The following GALNTL5 variants were observed in gnomAD, a reference collection of about 807,000 sequenced individuals.
The protein encoded by GALNTL5 is inactive polypeptide N-acetylgalactosaminyltransferase-like protein 5.
GALNTL5 carries 44 observed loss-of-function variants against 51.0 expected under a neutral mutation model. That is an observed-to-expected ratio of 0.86 (90% CI 0.68 to 1.11). GALNTL5 has a LOEUF of 1.11. Among genes scored for constraint, GALNTL5 ranks in the 50% least tolerant of loss-of-function variants. The pLI, the probability that GALNTL5 is intolerant of heterozygous loss-of-function variation, is 0.00. For synonymous variants in GALNTL5, 192 were observed against 182.8 expected (o/e 1.05, Z -0.41); for missense variants, 528 against 531.8 (o/e 0.99, Z 0.07).
chr7:151,972,718 G>A (rs2081160287), intron 3 of GALNTL5, among the ~76,000 whole-genome samples: 2 of 152,206 alleles, frequency 1.3e-5, no homozygotes, highest in Admixed American at 1.3e-4. Flanking sequence ...CTTCCATGTG[G>A]TATTGGGCCT....
intron 7 of GALNTL5, among the ~76,000 whole-genome samples, chr7:152,013,015 T>C (rs1482632495): frequency 6.6e-6 from 1 of 152,164 alleles, no homozygotes; most frequent in African/African-American, 2.4e-5. Flanking sequence ...TACACAGCCA[T>C]TTAAAAATAA....
intron 5 of GALNTL5, among the ~76,000 whole-genome samples, chr7:151,988,585 T>C (rs2081390069): frequency 6.6e-6 from 1 of 152,190 alleles, no homozygotes; most frequent in African/African-American, 2.4e-5. Flanking sequence ...ATGTTCATTG[T>C]CCAAAACCCA....
intron 5 of GALNTL5, among the ~76,000 whole-genome samples, chr7:152,002,178 G>T (rs1422845074): frequency 6.6e-6 from 1 of 152,084 alleles, no homozygotes; most frequent in Non-Finnish European, 1.5e-5. Context: ...TACTTGGGAG[G>T]CTGAGGCAGG....
intron 7 of GALNTL5, among the ~76,000 whole-genome samples, chr7:152,010,165 T>G (rs984668494): frequency 6.6e-6 from 1 of 151,588 alleles, no homozygotes; most frequent in African/African-American, 2.4e-5. Flanking sequence ...CAGGCTGGAG[T>G]GCAGTGGCAC....
chr7:151,975,437 T>C (rs1563006600), intron 3 of GALNTL5, among the ~76,000 whole-genome samples: 1 of 152,070 alleles, frequency 6.6e-6, no homozygotes, highest in African/African-American at 2.4e-5. Flanking sequence ...TCTGGTCTTG[T>C]TTTTTTGAGT....
chr7:151,970,192 G>A (rs2081117225), intron 2 of GALNTL5, among the ~76,000 whole-genome samples: 1 of 138,562 alleles, frequency 7.2e-6, no homozygotes, highest in Non-Finnish European at 1.6e-5. Context: ...GGGTGAAAGG[G>A]AAAGCAGGAA....
chr7:152,019,611 T>G (rs769471188), intron 8 of GALNTL5, 35 bp from the exon 9 acceptor site: 8 of 1,584,656 alleles, frequency 5.0e-6, no homozygotes, highest in South Asian at 2.3e-5. Flanking sequence ...ATTTGTTTGG[T>G]TGAACGTAAC....
intron 5 of GALNTL5, among the ~76,000 whole-genome samples, chr7:152,000,247 G>T (rs2081554667): frequency 6.6e-6 from 1 of 152,198 alleles, no homozygotes; most frequent in Admixed American, 6.5e-5. Flanking sequence ...ATCTTAGATG[G>T]TGTCCGGTAG....
chr7:151,998,062 G>A (rs893885232), intron 5 of GALNTL5, among the ~76,000 whole-genome samples: 37 of 151,974 alleles, frequency 2.4e-4, no homozygotes, highest in Admixed American at 1.9e-3. Flanking sequence ...AAAAAAAGTA[G>A]GCGAGTGTGT....
At chr7:151,969,611 G>A (rs1033136639) in intron 2 of GALNTL5, among the ~76,000 whole-genome samples, 2 of 151,830 alleles carry the variant, frequency 1.3e-5, no homozygotes, top group African/African-American at 4.8e-5. Context: ...CCCGGATGTC[G>A]CCTATTGATT....
chr7:151,959,865 C>CTGCT (rs2080970926), intron 1 of GALNTL5, among the ~76,000 whole-genome samples: 1 of 152,084 alleles, frequency 6.6e-6, no homozygotes. Context: ...GAGCAGTGGG[C>CTGCT]CATTTCTGTA....
intron 5 of GALNTL5, among the ~76,000 whole-genome samples, chr7:151,991,983 A>G (rs958222621): frequency 2.6e-5 from 4 of 152,242 alleles, no homozygotes; most frequent in Non-Finnish European, 4.4e-5. Context: ...TATTATGTGC[A>G]AAGATTTATT....
chr7:152,004,470 A>T (rs2081619098), intron 6 of GALNTL5, among the ~76,000 whole-genome samples: 1 of 152,098 alleles, frequency 6.6e-6, no homozygotes, highest in Non-Finnish European at 1.5e-5. Context: ...TATTATTTGT[A>T]TAAATATAAG....
chr7:151,963,485 C>T (rs2081018000), intron 1 of GALNTL5, among the ~76,000 whole-genome samples: 1 of 152,218 alleles, frequency 6.6e-6, no homozygotes, highest in African/African-American at 2.4e-5. Context: ...GCAATCTCGG[C>T]CTCCCGGGTT....
chr7:151,982,925 G>A, intron 3 of GALNTL5, 61 bp from the exon 4 acceptor site: 1 of 1,612,826 alleles, frequency 6.2e-7, no homozygotes, highest in Non-Finnish European at 8.5e-7. Context: ...GTTTGAACGA[G>A]ATGACACAAC....
At chr7:152,006,388 G>A (rs528798021) in intron 6 of GALNTL5, among the ~76,000 whole-genome samples, 2 of 152,306 alleles carry the variant, frequency 1.3e-5, no homozygotes, top group East Asian at 3.9e-4. Context: ...ACAGGAAGTG[G>A]GGTCAAAATA....
intron 1 of GALNTL5, among the ~76,000 whole-genome samples, chr7:151,963,641 G>A (rs761053699): frequency 5.9e-5 from 9 of 152,010 alleles, no homozygotes; most frequent in Non-Finnish European, 8.8e-5. Flanking sequence ...CAAGTGATCC[G>A]CCCACCTCGG....
chr7:151,998,608 C>A (rs1193551797), intron 5 of GALNTL5, among the ~76,000 whole-genome samples: 2 of 151,994 alleles, frequency 1.3e-5, no homozygotes, highest in Non-Finnish European at 2.9e-5. Context: ...CCCATCTCCA[C>A]TAAAAATACA....
intron 3 of GALNTL5, among the ~76,000 whole-genome samples, chr7:151,974,911 G>C (rs528074993): frequency 2.3e-4 from 35 of 152,190 alleles, no homozygotes; most frequent in African/African-American, 7.9e-4. Context: ...TTATTTAATA[G>C]GAAATTCAAT....
Sources: gnomAD v4.1 joint callset for allele counts (sites outside exome capture counted in the v4.1 genomes callset) on GRCh38, gnomAD v4.1.1 for gene constraint, MANE v1.5 for transcripts, NCBI Gene and HGNC (gene_info 2026-07-23, HGNC 2026-07-21) for gene names.